The following SNX29 variants were observed in gnomAD, a reference collection of about 807,000 sequenced individuals.
SNX29 encodes the protein sorting nexin-29.
SNX29 carries 78 observed loss-of-function variants against 102.1 expected under a neutral mutation model. The observed-to-expected ratio is 0.76, with a 90% CI of 0.64 to 0.92. SNX29 has a LOEUF of 0.92. Among genes scored for constraint, SNX29 ranks in the 40% least tolerant of loss-of-function variants. The probability of loss-of-function intolerance (pLI) is 0.00; values close to 1 mark genes in which losing one functional copy is unlikely to be tolerated. For synonymous variants in SNX29, 580 were observed against 414.5 expected, an observed-to-expected ratio of 1.40 and a Z score of -4.85; for missense variants, 1,280 against 1,061.7, an observed-to-expected ratio of 1.21 and a Z score of -2.86.
At chr16:11,977,429 TA>T (rs1292353564) in intron 1 of SNX29, 3 of 153,042 alleles carry the variant, frequency 2.0e-5, no homozygotes, top group African/African-American at 7.2e-5. Context: ...TCTTCCCAGT[TA>T]CCCACTCGGC....
intron 20 of SNX29, among the ~76,000 whole-genome samples, chr16:12,532,431 G>GTAGCT (rs2076957438): frequency 6.6e-6 from 1 of 152,056 alleles, no homozygotes; most frequent in African/African-American, 2.4e-5. Context: ...GTCGTGTTTT[G>GTAGCT]TAAATCCTAC....
chr16:12,319,216 C>T lies in SNX29; in HGVS notation c.1783-36947C>T, dbSNP rs528985407. On this transcript the variant is annotated intron_variant, in intron 15 of 20. Transcript: ENST00000566228. Reference sequence around the variant, plus strand: ...CTTAACCACTCAGTCAGTGCTGACACAATTGTTATAGAGGCCTGTGTTAGT... The same window carrying T: ...CTTAACCACTCAGTCAGTGCTGACATAATTGTTATAGAGGCCTGTGTTAGT... Among the ~76,000 whole-genome samples the T allele has an allele frequency of 2.0e-5, 3 of 152,312 alleles. No individual in the cohort carries two copies. The East Asian group carries it at 5.8e-4, about 29-fold the overall frequency.
intron 7 of SNX29, among the ~76,000 whole-genome samples, chr16:12,050,744 C>G (rs1361140525): frequency 6.6e-6 from 1 of 152,102 alleles, no homozygotes; most frequent in African/African-American, 2.4e-5. Flanking sequence ...AAGAGTCTCG[C>G]TCTGTCACCC....
intron 16 of SNX29, among the ~76,000 whole-genome samples, chr16:12,380,784 C>T (rs1267163656): frequency 1.3e-4 from 8 of 60,204 alleles, no homozygotes; most frequent in Non-Finnish European, 2.4e-4. Flanking sequence ...CATCCATCCA[C>T]CCATCCACCC....
Position 12,048,584 on chromosome 16 carries a change from G to A in SNX29, c.712G>A (p.Asp238Asn), listed in dbSNP as rs747904010. 4.2e-5 allele frequency: 67 copies of A among 1,613,818 alleles called. No individual in the cohort carries two copies. The highest frequency in any genetic ancestry group is 5.3e-5 in the Non-Finnish European group (62 of 1,179,878). Residue 238 changes from aspartate to asparagine, a missense_variant, in exon 7 of 21, where the codon GAC becomes AAC. Physicochemically the swap from Asp to Asn is conservative, Grantham distance 23 (BLOSUM62 1). Coordinates refer to ENST00000566228, the MANE Select transcript of SNX29 (RefSeq NM_032167.5). Reference sequence around the variant, plus strand: ...CCTCATCAAACCTGAACAGGAGACCGACCCCTTGCCTGTCGTGTCCAGGAA... The same window carrying A: ...CCTCATCAAACCTGAACAGGAGACCAACCCCTTGCCTGTCGTGTCCAGGAA... ...SILIKPEQET[D>N]PLPVVSRNVS...
intron 15 of SNX29, among the ~76,000 whole-genome samples, chr16:12,309,493 G>A (rs1567422899): frequency 6.6e-6 from 1 of 152,058 alleles, no homozygotes; most frequent in East Asian, 1.9e-4. Flanking sequence ...TTTCTTGGTA[G>A]CACCCAGCAG....
chr16:12,560,993 C>T (rs780518119), intron 20 of SNX29: 3 of 216,052 alleles, frequency 1.4e-5, no homozygotes, highest in Non-Finnish European at 2.8e-5. Context: ...ACTGCCAGAG[C>T]CATTTCTGGA....
intron 14 of SNX29, among the ~76,000 whole-genome samples, chr16:12,215,327 A>T (rs1309634196): frequency 6.6e-6 from 1 of 151,876 alleles, no homozygotes; most frequent in African/African-American, 2.4e-5. Context: ...AAAAAAAAAA[A>T]AATCAGAAGG....
chr16:12,464,282 T>C (rs958292785), intron 18 of SNX29, among the ~76,000 whole-genome samples: 10 of 151,710 alleles, frequency 6.6e-5, no homozygotes, highest in Admixed American at 6.6e-4. Flanking sequence ...TTTATGTGTG[T>C]GTATATAAAT....
chr16:12,547,665 T>C (rs1403303137), intron 20 of SNX29, among the ~76,000 whole-genome samples: 1 of 151,880 alleles, frequency 6.6e-6, no homozygotes, highest in Non-Finnish European at 1.5e-5. Flanking sequence ...CCAAGCACCA[T>C]CTCCTGTAAT....
At chr16:12,559,204 G>A (rs76102438) in intron 20 of SNX29, among the ~76,000 whole-genome samples, 1,882 of 152,148 alleles carry the variant, frequency 0.012, 37 homozygotes, top group African/African-American at 0.042. Flanking sequence ...TGGGTGAGCA[G>A]CGCTTCGTCT....
chr16:12,165,633 C>T (rs1212266990), intron 13 of SNX29, among the ~76,000 whole-genome samples: 3 of 152,090 alleles, frequency 2.0e-5, no homozygotes, highest in Admixed American at 6.5e-5. Context: ...CAATCTTGGC[C>T]CACTGCAACC....
intron 20 of SNX29, among the ~76,000 whole-genome samples, chr16:12,539,540 T>C (rs184742945): frequency 3.3e-5 from 5 of 152,340 alleles, no homozygotes; most frequent in Admixed American, 2.6e-4. Context: ...ATAGAGCTAG[T>C]GGAAACATTC....
chr16:12,565,861 G>C (rs1020729952), intron 20 of SNX29, among the ~76,000 whole-genome samples: 1 of 152,096 alleles, frequency 6.6e-6, no homozygotes, highest in South Asian at 2.1e-4. Context: ...GAAGCCCTCT[G>C]TGCCCTGCTC....
chr16:12,401,204 G>C (rs1317564010), intron 17 of SNX29, among the ~76,000 whole-genome samples: 1 of 152,062 alleles, frequency 6.6e-6, no homozygotes, highest in Admixed American at 6.6e-5. Flanking sequence ...TGAACAACAT[G>C]AGAAACCAAT....
At chr16:12,542,052 G>A (rs1235871484) in intron 20 of SNX29, among the ~76,000 whole-genome samples, 1 of 152,046 alleles carries the variant, frequency 6.6e-6, no homozygotes, top group African/African-American at 2.4e-5. Flanking sequence ...GTTTGGCAAA[G>A]ATATTCCTAG....
At chr16:12,434,712 G>T (rs980154362) in intron 18 of SNX29, among the ~76,000 whole-genome samples, 6 of 152,018 alleles carry the variant, frequency 3.9e-5, no homozygotes, top group Non-Finnish European at 5.9e-5. Context: ...TGACACCGAA[G>T]GCCCTGCTGA....
chr16:12,511,372 A>G (rs1567637653), intron 19 of SNX29, among the ~76,000 whole-genome samples: 1 of 152,248 alleles, frequency 6.6e-6, no homozygotes, highest in East Asian at 1.9e-4. Flanking sequence ...ATGCTTTGCC[A>G]AATGGGGATA....
chr16:12,379,881 A>AC (rs1394083856), intron 16 of SNX29, among the ~76,000 whole-genome samples: 2 of 152,136 alleles, frequency 1.3e-5, no homozygotes, highest in African/African-American at 4.8e-5. Flanking sequence ...GATGGGAGGC[A>AC]CTGGTGTGTG....
Sources: allele counts gnomAD v4.1 joint callset (sites outside exome capture counted in the v4.1 genomes callset), GRCh38; gene constraint gnomAD v4.1.1; transcripts MANE v1.5; gene names NCBI Gene and HGNC (gene_info 2026-07-23, HGNC 2026-07-21).